Variants in AXDND1 observed in about 807,000 individuals in gnomAD.
AXDND1 encodes axonemal dynein light chain domain-containing protein 1.
In AXDND1, 110 loss-of-function variants were observed where a neutral mutation model predicts 137.5. The observed-to-expected ratio is 0.80, with a 90% confidence interval of 0.69 to 0.94. AXDND1 has a LOEUF of 0.94. Ranked by LOEUF, AXDND1 falls within the 40% of genes least tolerant of loss-of-function variation. The pLI, the probability that AXDND1 is intolerant of heterozygous loss-of-function variation, is 0.00. For missense variants in AXDND1, 1,191 were observed against 1,169.8 expected, an observed-to-expected ratio of 1.02 and a Z score of -0.26; for synonymous variants, 414 against 399.7, an observed-to-expected ratio of 1.04 and a Z score of -0.43.
At chr1:179,419,038 T>C (rs1655216684) in intron 12 of AXDND1, among the ~76,000 whole-genome samples, 1 of 149,578 alleles carries the variant, frequency 6.7e-6, no homozygotes, top group Admixed American at 6.6e-5. Context: ...ACAGAGACGC[T>C]CCTCACTTCC....
chr1:179,386,305 T>C (rs1283546306), intron 9 of AXDND1, among the ~76,000 whole-genome samples: 1 of 151,958 alleles, frequency 6.6e-6, no homozygotes, highest in East Asian at 1.9e-4. Context: ...GCCTTGGCCT[T>C]CCAAAGTGCT....
intron 9 of AXDND1, among the ~76,000 whole-genome samples, chr1:179,386,520 C>A (rs2125107047): frequency 6.6e-6 from 1 of 151,980 alleles, no homozygotes; most frequent in South Asian, 2.1e-4. Flanking sequence ...TTTTTCTGTC[C>A]CTCCACCTCT....
At chr1:179,424,424 ATC>A (rs1656252595) in intron 12 of AXDND1, among the ~76,000 whole-genome samples, 2 of 125,486 alleles carry the variant, frequency 1.6e-5, no homozygotes, top group Non-Finnish European at 3.3e-5. Flanking sequence ...GTTTTCTATT[ATC>A]TTTTTTTTTT....
At position 179,382,747 on chromosome 1, in the gene AXDND1, TC is replaced by T; in HGVS notation, c.632del (p.Pro211HisfsTer3). ...LTDSENRLLL[F>X]PSMKPNKRVE... ...GATAGTGAAAACAGGCTATTGCTCT[TC>T]CCATCCATGTAAGTACAGTTTATTT... On this transcript the variant is annotated frameshift_variant, in exon 7 of 26. Coordinates refer to ENST00000367618, the MANE Select transcript of AXDND1 (RefSeq NM_144696.6). LOFTEE classifies it high-confidence loss of function. 1.9e-6 allele frequency: 3 copies of T among 1,594,592 alleles called. No homozygotes were observed. Among genetic ancestry groups the T allele is most frequent in the Non-Finnish European group, 2.6e-6 (3 of 1,162,730 alleles).
chr1:179,419,261 C>A (rs1571745627), intron 12 of AXDND1, among the ~76,000 whole-genome samples: 3 of 152,120 alleles, frequency 2.0e-5, no homozygotes, highest in African/African-American at 7.2e-5. Context: ...GAGGCCAAGG[C>A]AGGCGGCTGG....
intron 25 of AXDND1, chr1:179,552,682 C>A: frequency 6.2e-7 from 1 of 1,613,142 alleles, no homozygotes; most frequent in Admixed American, 1.7e-5. Flanking sequence ...CACATCTTTA[C>A]TGAAAAAGAA....
In AXDND1 at chr1:179,443,244, G is replaced by A. The variant is rs113782358; in HGVS notation, c.1564-1726G>A. Among the ~76,000 whole-genome samples, 582 of 152,250 alleles carry A rather than the reference G, an allele frequency of 3.8e-3. 4 individuals are homozygous for A. The highest frequency in any genetic ancestry group is 0.013 in the African/African-American group (545 of 41,548). ...TCAAGTGGAGCGCTGAGTTGGTCCC[G>A]TCCCACGGGGCTTCGGCTCCCTATA... On this transcript the variant is annotated intron_variant, in intron 15 of 25. Transcript: ENST00000367618.
At chr1:179,493,611 T>C (rs973713243) in intron 20 of AXDND1, among the ~76,000 whole-genome samples, 11 of 152,188 alleles carry the variant, frequency 7.2e-5, no homozygotes, top group African/African-American at 2.7e-4. Flanking sequence ...GGTACAAAAG[T>C]GCAGTTAGGT....
intron 16 of AXDND1, among the ~76,000 whole-genome samples, chr1:179,467,832 T>A (rs1222051553): frequency 1.3e-5 from 2 of 152,210 alleles, no homozygotes; most frequent in Non-Finnish European, 2.9e-5. Flanking sequence ...ATTACTTGTC[T>A]TTATATAACT....
intron 18 of AXDND1, among the ~76,000 whole-genome samples, chr1:179,488,497 C>T (rs1273845350): frequency 6.8e-6 from 1 of 147,774 alleles, no homozygotes; most frequent in Non-Finnish European, 1.5e-5. Flanking sequence ...AACTCTTGAG[C>T]TCAGGCAATC....
intron 14 of AXDND1, among the ~76,000 whole-genome samples, chr1:179,431,565 T>G (rs6661436): frequency 0.33 from 50,054 of 151,686 alleles, 8,686 homozygotes; most frequent in Middle Eastern, 0.43. Context: ...CTAAGGTTTT[T>G]TTTTTTTTTT....
At chr1:179,466,282 C>CTTTTTTTT (rs1491121382) in intron 16 of AXDND1, among the ~76,000 whole-genome samples, 16 of 95,650 alleles carry the variant, frequency 1.7e-4, no homozygotes, top group East Asian at 7.0e-4. Flanking sequence ...TCTTCTTCTT[C>CTTTTTTTT]TTCTTTTTTT....
chr1:179,530,112 C>T (rs939077400), intron 23 of AXDND1, among the ~76,000 whole-genome samples: 3 of 152,180 alleles, frequency 2.0e-5, no homozygotes, highest in African/African-American at 7.2e-5. Flanking sequence ...TCACTGCAAC[C>T]TCTGCCTCCC....
intron 20 of AXDND1, among the ~76,000 whole-genome samples, chr1:179,509,068 T>C (rs1363104660): frequency 6.6e-6 from 1 of 152,198 alleles, no homozygotes; most frequent in African/African-American, 2.4e-5. Context: ...GGCACTTCAC[T>C]ACTCCCTGTC....
intron 25 of AXDND1, chr1:179,552,702 G>A (rs1445679858): frequency 1.3e-6 from 2 of 1,591,356 alleles, no homozygotes; most frequent in Non-Finnish European, 1.7e-6. Flanking sequence ...AAGAATGCAG[G>A]TATGTAGGTG....
chr1:179,451,350 A>T (rs75060321), intron 16 of AXDND1: 1 of 147,376 alleles, frequency 6.8e-6, no homozygotes, highest in East Asian at 1.9e-4. Context: ...AAAAAAAAAA[A>T]TCGTCCACTT....
chr1:179,408,968 CTT>C (rs74384865), intron 11 of AXDND1, among the ~76,000 whole-genome samples: 1,413 of 126,298 alleles, frequency 0.011, 2 homozygotes, highest in Non-Finnish European at 0.016. Flanking sequence ...TTTTTTCTTT[CTT>C]TTTTTTTTTT....
In AXDND1 at chr1:179,534,942, C is replaced by T. The variant is rs1475764709; in HGVS notation, c.3011C>T (p.Ser1004Phe). 1.2e-6 allele frequency: 2 copies of T among 1,605,758 alleles called. No individual in the cohort carries two copies. The highest frequency in any genetic ancestry group is 1.7e-6 in the Non-Finnish European group (2 of 1,178,116). Reference sequence around the variant, plus strand: ...GAAGAAGTCAGGTCAGCAGAAAATTCCTCAAAATCTCCAAAGAAAGGTAAG... The same window carrying T: ...GAAGAAGTCAGGTCAGCAGAAAATTTCTCAAAATCTCCAAAGAAAGGTAAG... Reference protein sequence around the residue: ...EEEEVRSAENSSKSPKKGH With the variant: ...EEEEVRSAENFSKSPKKGH The change falls in exon 25 of 26, where the codon TCC becomes TTC. Residue 1004 changes from serine to phenylalanine, a missense_variant. Ser to Phe is a radical substitution (Grantham distance 155, BLOSUM62 -2). Coordinates refer to ENST00000367618, the MANE Select transcript of AXDND1 (RefSeq NM_144696.6).
intron 15 of AXDND1, among the ~76,000 whole-genome samples, chr1:179,444,039 G>A (rs1659370319): frequency 1.4e-5 from 2 of 144,608 alleles, no homozygotes; most frequent in African/African-American, 5.2e-5. Context: ...TATACAACAT[G>A]TCTAGTTTAG....
Sources: gnomAD v4.1 joint callset for allele counts (sites outside exome capture counted in the v4.1 genomes callset) on GRCh38, gnomAD v4.1.1 for gene constraint, MANE v1.5 for transcripts, NCBI Gene and HGNC (gene_info 2026-07-23, HGNC 2026-07-21) for gene names.